CDR2L: variants seen among roughly 807,000 people sequenced by gnomAD.
The protein encoded by CDR2L is cerebellar degeneration-related protein 2-like.
A neutral mutation model predicts 36.1 loss-of-function variants in CDR2L; 19 were observed. That is an observed-to-expected ratio of 0.53 (90% confidence interval 0.37 to 0.77). The LOEUF (loss-of-function observed/expected upper bound fraction) is 0.77, where lower values mean the gene tolerates loss of function less well. Among genes scored for constraint, CDR2L ranks in the 30% least tolerant of loss-of-function variants. CDR2L has a pLI of 0.00. For synonymous variants in CDR2L, 285 were observed against 280.4 expected (o/e 1.02, Z -0.16); for missense variants, 575 against 627.2 (o/e 0.92, Z 0.89).
rs991622942 is a variant in CDR2L at position 74,987,831 on chromosome 17, C to T, written c.-213C>T. ...TGTCGCCGCAGCCCGGTGCCCCCGG[C>T]TCTGCGGGACCCCGGCCGGGCCGGA... On this transcript the variant is annotated 5_prime_UTR_variant, in exon 1 of 5. Coordinates refer to ENST00000337231, the MANE Select transcript of CDR2L (RefSeq NM_014603.3). 5 of 250,248 alleles carry T rather than the reference C, an allele frequency of 2.0e-5. No homozygotes were observed. The highest frequency in any genetic ancestry group is 1.2e-3 in the Middle Eastern group (1 of 826). 15.5% of individuals were successfully genotyped at this position (250,248 alleles called of 1,614,324 possible). A position where few individuals can be genotyped will look rare whatever the true frequency, so the allele number is the denominator to read the frequency against.
chr17:75,003,231 G>C lies in CDR2L; in HGVS notation c.555G>C (p.Pro185=). The C allele has an allele frequency of 6.4e-7, 1 of 1,565,040 alleles. No homozygotes were observed. The highest frequency in any genetic ancestry group is 8.7e-7 in the Non-Finnish European group (1 of 1,155,784). The change falls in exon 5 of 5, where the codon CCG becomes CCC. Residue 185 remains proline (P), a synonymous_variant. Coordinates refer to ENST00000337231, the MANE Select transcript of CDR2L (RefSeq NM_014603.3). ...ACAGTTCCTCCCTGGAGCTGGGCCC[G>C]CGGCCCCTGGAGCAGGAGAACGAGC... ...RLHSSSLELG[P]RPLEQENERL... is the part of the protein sequence containing the mutation.
In CDR2L at chr17:75,003,610, G is replaced by A; in HGVS notation, c.934G>A (p.Val312Met). Residue 312 changes from valine (V) to methionine (M), a missense_variant, in exon 5 of 5, where the codon GTG (valine) becomes ATG (methionine). By Grantham distance (21) the Val-to-Met change is conservative (BLOSUM62 1). Coordinates refer to ENST00000337231, the MANE Select transcript of CDR2L (RefSeq NM_014603.3). ...VSSPAASPGH[V>M]VRKSCSDTAL... Reference sequence around the variant, plus strand: ...CTCACCGGCAGCCTCTCCAGGCCACGTGGTGCGCAAGAGCTGCAGCGACAC... The same window carrying A: ...CTCACCGGCAGCCTCTCCAGGCCACATGGTGCGCAAGAGCTGCAGCGACAC... 2.0e-6 allele frequency: 3 copies of A among 1,490,870 alleles called. No individual in the cohort carries two copies. The highest frequency in any genetic ancestry group is 2.2e-4 in the Middle Eastern group (1 of 4,600). 92.4% of individuals were successfully genotyped at this position (1,490,870 alleles called of 1,614,324 possible).
intron 1 of CDR2L, among the ~76,000 whole-genome samples, chr17:74,996,698 A>G (rs983096924): frequency 5.9e-5 from 9 of 151,706 alleles, no homozygotes; most frequent in Non-Finnish European, 1.2e-4. Flanking sequence ...TTTCCCTTGG[A>G]CTGGGGTCAG....
chr17:75,004,153 C>T lies in CDR2L; in HGVS notation c.*79C>T, dbSNP rs969161566. The T allele has an allele frequency of 1.7e-5, 22 of 1,308,314 alleles. No individual in the cohort carries two copies. Among genetic ancestry groups the T allele is most frequent in the African/African-American group, 1.3e-4 (9 of 66,778 alleles). 81.0% of individuals were successfully genotyped at this position (1,308,314 alleles called of 1,614,324 possible). On this transcript the variant is annotated 3_prime_UTR_variant, in exon 5 of 5. Transcript: ENST00000337231. ...CCTGGGCGGTGCAGCTTCCAGAGAGCGAGCGCCCTTTAGCGGCCTGCCACC... is the reference window on the plus strand; with the variant it reads ...CCTGGGCGGTGCAGCTTCCAGAGAGTGAGCGCCCTTTAGCGGCCTGCCACC...
Position 75,003,959 on chromosome 17 carries a change from G to C in CDR2L, c.1283G>C (p.Arg428Pro), listed in dbSNP as rs753081023. 1 of 1,610,526 alleles carries C rather than the reference G, an allele frequency of 6.2e-7. No individual in the cohort carries two copies. The highest frequency in any genetic ancestry group is 8.5e-7 in the Non-Finnish European group (1 of 1,178,556). ...LSQHVEAVDKRLEQSQPEYKA... is the reference protein window; with the variant it reads ...LSQHVEAVDKPLEQSQPEYKA... ...CAGCACGTGGAGGCCGTGGACAAGC[G>C]GCTGGAACAGAGCCAGCCCGAGTAC... The change falls in exon 5 of 5, where the codon CGG becomes CCG. Residue 428 changes from arginine (R) to proline (P), a missense_variant. Transcript: ENST00000337231.
chr17:74,998,087 G>T (rs1471037917), intron 1 of CDR2L, among the ~76,000 whole-genome samples: 1 of 152,124 alleles, frequency 6.6e-6, no homozygotes. Flanking sequence ...CAGGCATGGT[G>T]GCGGGCGCCT....
intron 1 of CDR2L, among the ~76,000 whole-genome samples, chr17:74,990,265 G>A (rs1894457403): frequency 6.6e-6 from 1 of 152,200 alleles, no homozygotes; most frequent in Non-Finnish European, 1.5e-5. Context: ...CTGCTTCTCT[G>A]GCCCTGCTGG....
In CDR2L at chr17:75,004,277, C is replaced by T. The variant is rs1333761453; in HGVS notation, c.*203C>T. On this transcript the variant is annotated 3_prime_UTR_variant, in exon 5 of 5. Coordinates refer to ENST00000337231, the MANE Select transcript of CDR2L (RefSeq NM_014603.3). ...CTCCCAGGAGCCCTTGGCCACCTCG[C>T]GCCAGCCCAAAGGCGCAGCTCTGAG... The T allele has an allele frequency of 3.5e-6, 2 of 563,478 alleles. No homozygotes were observed. The highest frequency in any genetic ancestry group is 6.3e-6 in the Non-Finnish European group (2 of 318,984). 34.9% of individuals were successfully genotyped at this position (563,478 alleles called of 1,614,324 possible).
At chr17:75,001,127 A>C (rs1567975402) in intron 2 of CDR2L, among the ~76,000 whole-genome samples, 1 of 151,920 alleles carries the variant, frequency 6.6e-6, no homozygotes, top group African/African-American at 2.4e-5. Flanking sequence ...CCAGCTACTC[A>C]GGAGGCTGAA....
chr17:74,994,520 C>T (rs1226578821), intron 1 of CDR2L, among the ~76,000 whole-genome samples: 1 of 152,176 alleles, frequency 6.6e-6, no homozygotes, highest in African/African-American at 2.4e-5. Flanking sequence ...TTCCAGGTAC[C>T]TAGGCTTACC....
chr17:75,002,530 C>G lies in CDR2L; in HGVS notation c.506+302C>G, dbSNP rs1051599615. Reference sequence around the variant, plus strand: ...TCACCTGTTTAGTAAGAGGCTCAGCCAGCATGCTAACCCAGGAGGGGTAAC... The same window carrying G: ...TCACCTGTTTAGTAAGAGGCTCAGCGAGCATGCTAACCCAGGAGGGGTAAC... On this transcript the variant is annotated intron_variant, in intron 4 of 4. Coordinates refer to ENST00000337231, the MANE Select transcript of CDR2L (RefSeq NM_014603.3). This position sits in a 1 kb window ranked among gnomAD's most constrained non-coding sequence, Gnocchi z 4.1. Among the ~76,000 whole-genome samples, 1 of 152,200 alleles carries G rather than the reference C, an allele frequency of 6.6e-6. No homozygotes were observed. The highest frequency in any genetic ancestry group is 1.5e-5 in the Non-Finnish European group (1 of 68,034).
intron 2 of CDR2L, 141 bp downstream of exon 2, chr17:74,999,757 C>A: frequency 1.8e-6 from 1 of 561,062 alleles, no homozygotes. Context: ...ACTGTGCTAT[C>A]CTGTACAAGG....
In CDR2L at chr17:75,003,786, G is replaced by T. The variant is rs1435017047; in HGVS notation, c.1110G>T (p.Leu370=). The change falls in exon 5 of 5, where the codon CTG becomes CTT. Residue 370 remains leucine, a synonymous_variant. Transcript: ENST00000337231. ...YHALLEKYEE[L]LSKCRQHGAG... ...CGCTGCTGGAGAAGTACGAGGAGCT[G>T]CTGAGCAAGTGCCGGCAGCACGGGG... 2 of 1,526,744 alleles carry T rather than the reference G, an allele frequency of 1.3e-6. No homozygotes were observed. Among genetic ancestry groups the T allele is most frequent in the Admixed American group, 4.2e-5 (2 of 47,752 alleles). The allele number at this position is 1,526,744 out of a possible 1,614,324, so 94.6% of individuals were successfully genotyped here.
chr17:74,992,820 G>A (rs2039804453), intron 1 of CDR2L, among the ~76,000 whole-genome samples: 2 of 152,200 alleles, frequency 1.3e-5, no homozygotes, highest in Non-Finnish European at 2.9e-5. Context: ...GGTTTATAGG[G>A]TGGTATACCA....
Position 75,004,134 on chromosome 17 carries a change from C to T in CDR2L, c.*60C>T, listed in dbSNP as rs2039888743. 9.0e-6 allele frequency: 13 copies of T among 1,447,186 alleles called. No individual in the cohort carries two copies. Among genetic ancestry groups the T allele is most frequent in the African/African-American group, 1.4e-5 (1 of 70,052 alleles). 89.6% of individuals were successfully genotyped at this position (1,447,186 alleles called of 1,614,324 possible). On this transcript the variant is annotated 3_prime_UTR_variant, in exon 5 of 5. Transcript: ENST00000337231. Reference sequence around the variant, plus strand: ...AGCCGTGGGGTCCCTCAGGCCTGGGCGGTGCAGCTTCCAGAGAGCGAGCGC... The same window carrying T: ...AGCCGTGGGGTCCCTCAGGCCTGGGTGGTGCAGCTTCCAGAGAGCGAGCGC...
At chr17:74,999,935 G>T (rs1049445158) in intron 2 of CDR2L, among the ~76,000 whole-genome samples, 3 of 152,010 alleles carry the variant, frequency 2.0e-5, no homozygotes, top group African/African-American at 7.2e-5. Flanking sequence ...GAGCCACCAG[G>T]CCCAGCCTGA....
chr17:74,993,662 C>A (rs932308497), intron 1 of CDR2L, among the ~76,000 whole-genome samples: 3 of 152,184 alleles, frequency 2.0e-5, no homozygotes, highest in Non-Finnish European at 4.4e-5. Context: ...GCTAAAAGTT[C>A]TTACCTATGA....
At position 75,003,576 on chromosome 17, in the gene CDR2L, CG is replaced by C; in HGVS notation, c.904del (p.Val302SerfsTer70). 6.6e-7 allele frequency: 1 copy of C among 1,509,126 alleles called. No homozygotes were observed. The highest frequency in any genetic ancestry group is 8.9e-7 in the Non-Finnish European group (1 of 1,127,940). The allele number at this position is 1,509,126 out of a possible 1,614,324, so 93.5% of individuals were successfully genotyped here. ...GCGGGGACGACTTGGGCGCCCAGGA[CG>C]GGGTCTCCTCACCGGCAGCCTCTCC... ...GRGDDLGAQD[G>X]VSSPAASPGH... On this transcript the variant is annotated frameshift_variant, in exon 5 of 5. Coordinates refer to ENST00000337231, the MANE Select transcript of CDR2L (RefSeq NM_014603.3). LOFTEE classifies it high-confidence loss of function.
At chr17:74,996,597 C>G (rs7222933) in intron 1 of CDR2L, among the ~76,000 whole-genome samples, 3,289 of 152,134 alleles carry the variant, frequency 0.022, 108 homozygotes, top group African/African-American at 0.075. Flanking sequence ...CCTGCCGTTT[C>G]CTTCTAACTC....
Sources: allele counts gnomAD v4.1 joint callset (sites outside exome capture counted in the v4.1 genomes callset), GRCh38; gene constraint gnomAD v4.1.1; non-coding constraint Gnocchi (gnomAD v3.1); transcripts MANE v1.5; gene names NCBI Gene and HGNC (gene_info 2026-07-23, HGNC 2026-07-21).